CCSER1: variants seen among roughly 807,000 people sequenced by gnomAD.
CCSER1 encodes the protein coiled-coil serine rich protein 1.
Under a neutral mutation model 82.0 loss-of-function variants are expected in CCSER1, and 41 were observed. The ratio of observed to expected loss-of-function variants is 0.50; its 90% CI spans 0.39 to 0.65. The LOEUF (loss-of-function observed/expected upper bound fraction) is 0.65, where lower values mean the gene tolerates loss of function less well. Among genes scored for constraint, CCSER1 ranks in the 30% least tolerant of loss-of-function variants. The pLI is 0.00. For synonymous variants in CCSER1, 414 were observed against 383.9 expected (o/e 1.08, Z -0.92); for missense variants, 1,119 against 1,064.2 (o/e 1.05, Z -0.72).
At chr4:90,940,448 T>A (rs1211933970) in intron 9 of CCSER1, among the ~76,000 whole-genome samples, 1 of 152,128 alleles carries the variant, frequency 6.6e-6, no homozygotes, top group Non-Finnish European at 1.5e-5. Flanking sequence ...TTTCTCACAG[T>A]GTTCATTATA....
At chr4:91,297,079 A>G (rs1250646271) in intron 10 of CCSER1, among the ~76,000 whole-genome samples, 1 of 151,778 alleles carries the variant, frequency 6.6e-6, no homozygotes, top group African/African-American at 2.4e-5. Context: ...TAAGCAAAGA[A>G]TGTAAAGGAA....
chr4:91,355,990 T>C (rs1748803090), intron 10 of CCSER1, among the ~76,000 whole-genome samples: 1 of 152,238 alleles, frequency 6.6e-6, no homozygotes, highest in Non-Finnish European at 1.5e-5. Context: ...AGTCTAACAT[T>C]CATTGGCTAA....
intron 10 of CCSER1, among the ~76,000 whole-genome samples, chr4:91,399,581 G>A (rs1752198330): frequency 6.6e-6 from 1 of 151,860 alleles, no homozygotes; most frequent in Non-Finnish European, 1.5e-5. Context: ...CCTGCTCCCA[G>A]GGTTTTAGTT....
chr4:91,497,722 GT>G (rs1759000870), intron 10 of CCSER1, among the ~76,000 whole-genome samples: 1 of 151,678 alleles, frequency 6.6e-6, no homozygotes, highest in South Asian at 2.1e-4. Flanking sequence ...GTTTGACTTT[GT>G]TTTTTAAAAA....
chr4:90,902,287 C>A (rs184519424), intron 8 of CCSER1, among the ~76,000 whole-genome samples: 5 of 151,808 alleles, frequency 3.3e-5, no homozygotes, highest in Non-Finnish European at 7.4e-5. Flanking sequence ...ATTCATATGT[C>A]ATTTTAGATT....
At chr4:90,225,610 G>C (rs1743022062) in intron 1 of CCSER1, among the ~76,000 whole-genome samples, 1 of 152,138 alleles carries the variant, frequency 6.6e-6, no homozygotes, top group East Asian at 1.9e-4. Flanking sequence ...GCTGGAACTA[G>C]TCTTTGGTCT....
At chr4:90,925,001 A>T (rs1298866839) in intron 9 of CCSER1, among the ~76,000 whole-genome samples, 1 of 152,190 alleles carries the variant, frequency 6.6e-6, no homozygotes, top group Non-Finnish European at 1.5e-5. Flanking sequence ...TTCTGGGATT[A>T]CAGGCGTGAG....
At position 91,154,667 on chromosome 4, in the gene CCSER1, T is replaced by C. The variant is rs543752419; in HGVS notation, c.2217+68673T>C. Among the ~76,000 whole-genome samples the C allele has an allele frequency of 6.6e-5, 10 of 152,074 alleles. No homozygotes were observed. The South Asian group carries it at 2.1e-3, about 32-fold the overall frequency. Reference sequence around the variant, plus strand: ...TTCCTATTTGGCCATCTTGGAACCTTTTTCCCAGACATTCTTTTTAAAATG... The same window carrying C: ...TTCCTATTTGGCCATCTTGGAACCTCTTTCCCAGACATTCTTTTTAAAATG... On this transcript the variant is annotated intron_variant, in intron 10 of 10. Coordinates refer to ENST00000509176, the MANE Select transcript of CCSER1 (RefSeq NM_001145065.2).
At chr4:90,774,822 A>C (rs1752689945) in intron 7 of CCSER1, among the ~76,000 whole-genome samples, 1 of 152,084 alleles carries the variant, frequency 6.6e-6, no homozygotes, top group Non-Finnish European at 1.5e-5. Flanking sequence ...CATCCACACA[A>C]CACTTCCTAA....
At chr4:91,446,744 C>A (rs1755591477) in intron 10 of CCSER1, among the ~76,000 whole-genome samples, 1 of 145,582 alleles carries the variant, frequency 6.9e-6, no homozygotes, top group East Asian at 2.0e-4. Context: ...TTTTTATATT[C>A]TGGAAAATAT....
At chr4:90,385,801 CTA>C (rs1411848486) in intron 3 of CCSER1, among the ~76,000 whole-genome samples, 2 of 151,902 alleles carry the variant, frequency 1.3e-5, no homozygotes, top group African/African-American at 2.4e-5. Flanking sequence ...TGAAAAATGT[CTA>C]TTCATATTGT....
At chr4:90,492,952 G>T (rs1768303978) in intron 5 of CCSER1, among the ~76,000 whole-genome samples, 1 of 151,874 alleles carries the variant, frequency 6.6e-6, no homozygotes, top group South Asian at 2.1e-4. Context: ...GGCTTCAGAA[G>T]ATCAAACTTC....
At chr4:91,262,923 C>T (rs1317445340) in intron 10 of CCSER1, among the ~76,000 whole-genome samples, 1 of 151,872 alleles carries the variant, frequency 6.6e-6, no homozygotes, top group Admixed American at 6.6e-5. Context: ...GCCTGACTCA[C>T]TTTACCTTTA....
chr4:91,245,915 G>A (rs1739739075), intron 10 of CCSER1, among the ~76,000 whole-genome samples: 1 of 152,086 alleles, frequency 6.6e-6, no homozygotes, highest in Non-Finnish European at 1.5e-5. Context: ...AGGCTGGTCT[G>A]GAACTCCCAA....
Position 91,296,481 on chromosome 4 carries a change from A to ATTTT in CCSER1, c.2217+210488_2217+210489insTTTT, listed in dbSNP as rs1432951798. ...TATATATATATGTATATATATATAT[A>ATTTT]TATATTTTAATTAAATATACAGTTA... is the stretch of plus-strand genomic sequence containing the variant. On this transcript the variant is annotated intron_variant, in intron 10 of 10. Coordinates refer to ENST00000509176, the MANE Select transcript of CCSER1 (RefSeq NM_001145065.2). Among the ~76,000 whole-genome samples, 23 of 138,500 alleles carry ATTTT rather than the reference A, an allele frequency of 1.7e-4. No individual in the cohort carries two copies. In the East Asian group the frequency reaches 4.4e-3, roughly 27 times the overall value. The allele number at this position is 138,500 out of a possible 152,430, so 90.9% of individuals were successfully genotyped here.
chr4:91,082,342 A>T (rs1722861520), intron 9 of CCSER1, among the ~76,000 whole-genome samples: 1 of 152,222 alleles, frequency 6.6e-6, no homozygotes, highest in Admixed American at 6.5e-5. Context: ...GCTTCTGGGA[A>T]AACTGGCTAA....
At chr4:90,614,525 T>C (rs937311421) in intron 5 of CCSER1, among the ~76,000 whole-genome samples, 23 of 152,176 alleles carry the variant, frequency 1.5e-4, no homozygotes, top group African/African-American at 5.5e-4. Flanking sequence ...ACAGGAATTA[T>C]AAGAAAATAA....
intron 4 of CCSER1, among the ~76,000 whole-genome samples, chr4:90,419,751 C>T (rs1756404047): frequency 6.6e-6 from 1 of 151,756 alleles, no homozygotes; most frequent in East Asian, 1.9e-4. Flanking sequence ...ATACATTCTG[C>T]ATTATTCTGA....
At chr4:90,290,086 CATT>C (rs1320256330) in intron 1 of CCSER1, among the ~76,000 whole-genome samples, 1 of 151,764 alleles carries the variant, frequency 6.6e-6, no homozygotes. Flanking sequence ...TTGGAATACT[CATT>C]ATCTTAAATA....
Sources: allele counts gnomAD v4.1 joint callset (sites outside exome capture counted in the v4.1 genomes callset), GRCh38; gene constraint gnomAD v4.1.1; transcripts MANE v1.5; gene names NCBI Gene and HGNC (gene_info 2026-07-23, HGNC 2026-07-21).